The following B9D1 variants were observed in gnomAD, a reference collection of about 807,000 sequenced individuals.
B9D1 encodes the protein B9 domain-containing protein 1.
B9D1 carries 20 observed loss-of-function variants against 26.1 expected under a neutral mutation model. The ratio of observed to expected loss-of-function variants is 0.77; its 90% confidence interval spans 0.54 to 1.12. B9D1 has a LOEUF of 1.12. B9D1 is among the 50% of genes most tolerant of loss of function. B9D1 has a pLI of 0.00. For missense variants in B9D1, 260 were observed against 273.7 expected (o/e 0.95, Z 0.35); for synonymous variants, 105 against 103.1 (o/e 1.02, Z -0.11).
intron 1 of B9D1, among the ~76,000 whole-genome samples, chr17:19,375,847 C>G (rs762093117): frequency 5.3e-5 from 8 of 152,182 alleles, no homozygotes; most frequent in African/African-American, 1.7e-4. Context: ...CAGCTTGGCA[C>G]TTTCTCAAGA....
chr17:19,345,630 G>A (rs1908670512), intron 5 of B9D1, among the ~76,000 whole-genome samples: 1 of 152,220 alleles, frequency 6.6e-6, no homozygotes, highest in African/African-American at 2.4e-5. Flanking sequence ...CTAGAGCCTT[G>A]GGAGGGAGCA....
upstream of B9D1, among the ~76,000 whole-genome samples, chr17:19,366,034 G>A (rs148296805): frequency 4.6e-5 from 7 of 151,934 alleles, no homozygotes; most frequent in African/African-American, 1.7e-4. Flanking sequence ...GTAGCCTTCA[G>A]AGCCCACTCT....
chr17:19,355,528 TAAA>T (rs368938633), intron 3 of B9D1, among the ~76,000 whole-genome samples: 2 of 138,052 alleles, frequency 1.4e-5, no homozygotes, highest in South Asian at 2.3e-4. Flanking sequence ...TGTCTGCAAT[TAAA>T]AAAAAAAAAA....
At chr17:19,375,139 A>G (rs1229990335) in intron 1 of B9D1, among the ~76,000 whole-genome samples, 1 of 152,044 alleles carries the variant, frequency 6.6e-6, no homozygotes, top group Non-Finnish European at 1.5e-5. Flanking sequence ...AAAATACAAA[A>G]ATTAGCTGAG....
At chr17:19,337,304 G>A (rs754257101), downstream of B9D1, among the ~76,000 whole-genome samples, 4 of 152,204 alleles carry the variant, frequency 2.6e-5, no homozygotes, top group Admixed American at 1.3e-4. Flanking sequence ...GGGCAGCGGC[G>A]GGAGGACACG....
At chr17:19,362,753 G>T, upstream of B9D1, 1 of 1,506,762 alleles carries the variant, frequency 6.6e-7, no homozygotes, top group East Asian at 2.8e-5. Flanking sequence ...GCCGTTATAA[G>T]GGGGCGGGGC....
Position 19,372,506 on chromosome 17 carries a change from C to T in B9D1, c.-298+5353G>A, listed in dbSNP as rs944682894. Among the ~76,000 whole-genome samples, 7 of 152,224 alleles carry T rather than the reference C, an allele frequency of 4.6e-5. No individual in the cohort carries two copies. In the South Asian group the frequency reaches 6.2e-4, roughly 14 times the overall value. ...TTTGCCCCCACTGTCCCTCTGCTGCCGCATGCTCGTCTATTAGGTCCTGAC... is the reference window on the plus strand; with the variant it reads ...TTTGCCCCCACTGTCCCTCTGCTGCTGCATGCTCGTCTATTAGGTCCTGAC... On this transcript the variant is annotated intron_variant, in intron 1 of 5. Transcript: ENST00000477478. This position sits in a 1 kb window ranked among gnomAD's most constrained non-coding sequence, Gnocchi z 4.4.
Position 19,347,338 on chromosome 17 carries a change from C to T in B9D1, c.342-7G>A, listed in dbSNP as rs1567887842. 1 of 1,614,170 alleles carries T rather than the reference C, an allele frequency of 6.2e-7. No individual in the cohort carries two copies. Among genetic ancestry groups the T allele is most frequent in the South Asian group, 1.1e-5 (1 of 91,078 alleles). ...GGGGATGGTCCTTTTGTGCCTGAAA[C>T]AAATGTTTTTGCAGACAGAGATGCT... On this transcript the variant is annotated splice_polypyrimidine_tract_variant and splice_region_variant and intron_variant, in intron 4 of 6. Transcript: ENST00000261499. The surrounding 1 kb of genome is among the most constrained non-coding windows in gnomAD (Gnocchi z 4.3).
At chr17:19,354,805 G>A (rs552832496) in intron 3 of B9D1, among the ~76,000 whole-genome samples, 19 of 152,286 alleles carry the variant, frequency 1.2e-4, no homozygotes, top group Non-Finnish European at 2.2e-4. Context: ...TACAGCCTGG[G>A]TGACAGAGCA....
chr17:19,342,967 C>A, downstream of B9D1: 1 of 626,616 alleles, frequency 1.6e-6, no homozygotes. Flanking sequence ...TAGAAAAGGC[C>A]ACACAGCTTT....
chr17:19,370,606 C>T lies in B9D1; in HGVS notation c.-298+7253G>A, dbSNP rs4004155. Reference sequence around the variant, plus strand: ...GCAGCACCAATGGTGGAACTCCAGGCGTGGTGACAGGATGTGACCAGGTTC... The same window carrying T: ...GCAGCACCAATGGTGGAACTCCAGGTGTGGTGACAGGATGTGACCAGGTTC... On this transcript the variant is annotated intron_variant, in intron 1 of 5. Coordinates refer to the B9D1 transcript ENST00000477478. This position sits in a 1 kb window ranked among gnomAD's most constrained non-coding sequence, Gnocchi z 5.1. Among the ~76,000 whole-genome samples the T allele has an allele frequency of 0.032, 4,843 of 152,230 alleles. 262 individuals are homozygous for T. The highest frequency in any genetic ancestry group is 0.11 in the African/African-American group (4,539 of 41,490).
At chr17:19,354,522 C>T (rs1185103629) in intron 3 of B9D1, among the ~76,000 whole-genome samples, 1 of 152,174 alleles carries the variant, frequency 6.6e-6, no homozygotes, top group Non-Finnish European at 1.5e-5. Context: ...CATCTGTGTA[C>T]TAGCTGCTTT....
rs964256392 is a variant in B9D1 at position 19,362,582 on chromosome 17, G to T, written c.-13C>A. 1.9e-6 allele frequency: 3 copies of T among 1,587,624 alleles called. No homozygotes were observed. In the South Asian group the frequency reaches 3.4e-5, roughly 18 times the overall value. On this transcript the variant is annotated 5_prime_UTR_variant, in exon 1 of 7. Transcript: ENST00000261499. ...TCGCGGTCGCCATGGCAGGTCTGGG[G>T]GTGCCGGGGGGACCCACCTAGGCCG... is the stretch of plus-strand genomic sequence containing the variant.
At chr17:19,335,658 A>G (rs1907383530), downstream of B9D1, 3 of 418,908 alleles carry the variant, frequency 7.2e-6, no homozygotes, top group East Asian at 7.0e-5. Context: ...TGATCCACCT[A>G]CCTGCTAACT....
At chr17:19,350,584 G>A (rs1183010498) in intron 3 of B9D1, among the ~76,000 whole-genome samples, 1 of 151,698 alleles carries the variant, frequency 6.6e-6, no homozygotes, top group South Asian at 2.1e-4. Context: ...AGCCGGGCAT[G>A]GTGGTGCATG....
chr17:19,363,109 A>G, upstream of B9D1: 1 of 166,388 alleles, frequency 6.0e-6, no homozygotes, highest in Non-Finnish European at 1.3e-5. Flanking sequence ...TGTCGGGGCT[A>G]ACTCTGGAAT....
In B9D1 at chr17:19,347,666, G is replaced by A; in HGVS notation, c.341+118C>T. Reference sequence around the variant, plus strand: ...ACAACCCCCCTGGCCACCAGGCTGAGCTGCCCAGGCCCCTGGAGACCCCAG... The same window carrying A: ...ACAACCCCCCTGGCCACCAGGCTGAACTGCCCAGGCCCCTGGAGACCCCAG... On this transcript the variant is annotated intron_variant, in intron 4 of 6. Coordinates refer to ENST00000261499, the MANE Select transcript of B9D1 (RefSeq NM_015681.6). The surrounding 1 kb of genome is among the most constrained non-coding windows in gnomAD (Gnocchi z 4.3). 9.7e-7 allele frequency: 1 copy of A among 1,026,028 alleles called. No homozygotes were observed. The highest frequency in any genetic ancestry group is 1.4e-5 in the South Asian group (1 of 73,232). 63.6% of individuals were successfully genotyped at this position (1,026,028 alleles called of 1,614,324 possible). A position where few individuals can be genotyped will look rare whatever the true frequency, so the allele number is the denominator to read the frequency against.
At chr17:19,375,421 G>A (rs1365042549) in intron 1 of B9D1, among the ~76,000 whole-genome samples, 1 of 151,982 alleles carries the variant, frequency 6.6e-6, no homozygotes, top group Non-Finnish European at 1.5e-5. Context: ...CTACAATGAC[G>A]TATCACTTCA....
upstream of B9D1, among the ~76,000 whole-genome samples, chr17:19,365,481 C>T (rs987509269): frequency 4.6e-5 from 7 of 152,234 alleles, no homozygotes; most frequent in East Asian, 1.9e-4. The surrounding 1 kb of genome is among the most constrained non-coding windows in gnomAD (Gnocchi z 5.0). Context: ...CCCCTCACAG[C>T]GGCACCAGGT....
Sources: gnomAD v4.1 joint callset for allele counts (sites outside exome capture counted in the v4.1 genomes callset) on GRCh38, gnomAD v4.1.1 for gene constraint, Gnocchi (gnomAD v3.1) non-coding constraint, MANE v1.5 for transcripts, NCBI Gene and HGNC (gene_info 2026-07-23, HGNC 2026-07-21) for gene names.